Variants in TTC28 observed in about 807,000 individuals in gnomAD.
TTC28 encodes the protein tetratricopeptide repeat protein 28.
In TTC28, 61 loss-of-function variants were observed where a neutral mutation model predicts 198.0. The observed-to-expected ratio is 0.31, with a 90% CI of 0.25 to 0.38. The LOEUF is 0.38. Among genes scored for constraint, TTC28 ranks in the 10% least tolerant of loss-of-function variants. The pLI is 1.00. For synonymous variants in TTC28, 1,171 were observed against 1,297.8 expected, an observed-to-expected ratio of 0.90 and a Z score of 2.10; for missense variants, 2,678 against 3,164.0, an observed-to-expected ratio of 0.85 and a Z score of 3.69.
chr22:28,052,699 G>C (rs1219422779), intron 12 of TTC28, among the ~76,000 whole-genome samples: 4 of 152,130 alleles, frequency 2.6e-5, no homozygotes, highest in Non-Finnish European at 4.4e-5. Flanking sequence ...ATAATGTCTC[G>C]AGTGTTTTAT....
Position 28,014,268 on chromosome 22 carries a change from G to T in TTC28, c.4198C>A (p.Leu1400Ile). The T allele has an allele frequency of 6.4e-7, 1 of 1,551,398 alleles. No individual in the cohort carries two copies. The highest frequency in any genetic ancestry group is 8.7e-7 in the Non-Finnish European group (1 of 1,146,846). Residue 1400 changes from leucine to isoleucine, a missense_variant, in exon 14 of 23, where the codon CTC becomes ATC. Physicochemically the swap from Leu to Ile is conservative, Grantham distance 5. Around this residue, in one of 8 missense-constraint regions of TTC28, gnomAD observed 727 missense variants for 861.9 expected, o/e 0.84. Coordinates refer to ENST00000397906, the MANE Select transcript of TTC28 (RefSeq NM_001145418.2). ...KPPLRALYDL[L>I]IAPMEGGLMH... ...CTTACCCCTTCCATGGGCGCGATGAGCAGGTCATACAGGGCACGGAGCGGG... is the reference window on the plus strand; with the variant it reads ...CTTACCCCTTCCATGGGCGCGATGATCAGGTCATACAGGGCACGGAGCGGG...
At chr22:28,146,761 A>G (rs1297545802) in intron 6 of TTC28, among the ~76,000 whole-genome samples, 2 of 152,120 alleles carry the variant, frequency 1.3e-5, no homozygotes, top group Non-Finnish European at 2.9e-5. Flanking sequence ...GTTGTTTCAA[A>G]TAAGTGGCCA....
At chr22:28,493,449 A>G (rs2048406804) in intron 2 of TTC28, among the ~76,000 whole-genome samples, 2 of 152,230 alleles carry the variant, frequency 1.3e-5, no homozygotes, top group Non-Finnish European at 2.9e-5. Context: ...ACAGGAAAAT[A>G]AGGGAAAAAA....
chr22:28,477,746 A>G (rs1228876178), intron 2 of TTC28, among the ~76,000 whole-genome samples: 1 of 152,190 alleles, frequency 6.6e-6, no homozygotes, highest in African/African-American at 2.4e-5. Context: ...CAGCAAAGGT[A>G]AGGCAAGCAG....
intron 2 of TTC28, among the ~76,000 whole-genome samples, chr22:28,437,630 T>C (rs1251429303): frequency 6.6e-6 from 1 of 152,072 alleles, no homozygotes; most frequent in Non-Finnish European, 1.5e-5. Context: ...TATTGCTCTG[T>C]CACTCAGGCT....
At position 28,597,774 on chromosome 22, in the gene TTC28, A is replaced by G. The variant is rs532592141; in HGVS notation, c.381+31778T>C. ...ATTTGAGAATAGCCTAAAAAAGATT[A>G]CTAAAATCCTCTTACCTTTTGCGGG... On this transcript the variant is annotated intron_variant, in intron 2 of 22. Transcript: ENST00000397906. 3.3e-5 allele frequency among the ~76,000 whole-genome samples: 5 copies of G among 152,312 alleles called. No homozygotes were observed. In the East Asian group the frequency reaches 7.7e-4, roughly 24 times the overall value.
At chr22:28,244,060 A>T (rs938400308) in intron 5 of TTC28, among the ~76,000 whole-genome samples, 11 of 152,216 alleles carry the variant, frequency 7.2e-5, no homozygotes, top group African/African-American at 2.7e-4. Flanking sequence ...TATTAGATAT[A>T]TCTATTTCAG....
At chr22:27,997,208 T>C (rs1937568175) in intron 16 of TTC28, among the ~76,000 whole-genome samples, 1 of 152,238 alleles carries the variant, frequency 6.6e-6, no homozygotes, top group African/African-American at 2.4e-5. Context: ...CGTGCCTGCT[T>C]GTGCATGCTT....
Position 28,655,723 on chromosome 22 carries a change from C to T in TTC28, c.102+23899G>A, listed in dbSNP as rs1348668961. ...AAACTTAGCCAGGCGCCGTGGCGGG[C>T]GCCTGTAGTCCCCGCTACTCAGGAG... On this transcript the variant is annotated intron_variant, in intron 1 of 22. Coordinates refer to ENST00000397906, the MANE Select transcript of TTC28 (RefSeq NM_001145418.2). 3.9e-5 allele frequency among the ~76,000 whole-genome samples: 6 copies of T among 152,068 alleles called. No individual in the cohort carries two copies. In the East Asian group the frequency reaches 1.2e-3, roughly 29 times the overall value.
intron 2 of TTC28, among the ~76,000 whole-genome samples, chr22:28,458,119 C>G (rs893450353): frequency 6.6e-6 from 1 of 151,988 alleles, no homozygotes; most frequent in African/African-American, 2.4e-5. Context: ...TTTGGATTTA[C>G]TAGGTATAAA....
chr22:28,296,940 C>G (rs2044908385), intron 4 of TTC28, among the ~76,000 whole-genome samples: 1 of 152,332 alleles, frequency 6.6e-6, no homozygotes, highest in South Asian at 2.1e-4. Flanking sequence ...ACAGTATACA[C>G]TCTTAACCTC....
intron 2 of TTC28, among the ~76,000 whole-genome samples, chr22:28,440,794 G>C (rs949114686): frequency 7.2e-5 from 11 of 152,316 alleles, no homozygotes; most frequent in Non-Finnish European, 1.3e-4. Flanking sequence ...GCAAGAGTAA[G>C]AAAATAAACC....
intron 2 of TTC28, among the ~76,000 whole-genome samples, chr22:28,383,339 C>T (rs1465921638): frequency 3.3e-5 from 5 of 152,060 alleles, no homozygotes; most frequent in Non-Finnish European, 5.9e-5. Flanking sequence ...TTCCTTTGTC[C>T]GCAGCAGCAA....
intron 2 of TTC28, among the ~76,000 whole-genome samples, chr22:28,352,516 A>C (rs2046015443): frequency 6.6e-6 from 1 of 152,160 alleles, no homozygotes; most frequent in Non-Finnish European, 1.5e-5. Context: ...AGAAACAATG[A>C]GGAAATAAAA....
intron 2 of TTC28, among the ~76,000 whole-genome samples, chr22:28,552,543 G>T (rs1329525246): frequency 6.6e-6 from 1 of 152,124 alleles, no homozygotes; most frequent in African/African-American, 2.4e-5. Context: ...ATAGACCAAT[G>T]AAACAGAATG....
chr22:28,107,444 C>T lies in TTC28; in HGVS notation c.2401G>A (p.Ala801Thr). ...PGECRAHGHL[A>T]AVYMALGKYT... The stretch of plus-strand genomic sequence containing the variant: ...TTCCCAAGGGCCATGTAGACAGCAG[C>T]CAGGTGCCCATGAGCTCTGCACTCC... The change falls in exon 7 of 23, where the codon GCT becomes ACT. Residue 801 changes from alanine to threonine, a missense_variant. Coordinates refer to ENST00000397906, the MANE Select transcript of TTC28 (RefSeq NM_001145418.2). 6.4e-7 allele frequency: 1 copy of T among 1,551,728 alleles called. No homozygotes were observed. Among genetic ancestry groups the T allele is most frequent in the Non-Finnish European group, 8.7e-7 (1 of 1,147,014 alleles).
At chr22:28,269,280 G>A (rs1367041650) in intron 5 of TTC28, among the ~76,000 whole-genome samples, 2 of 152,122 alleles carry the variant, frequency 1.3e-5, no homozygotes, top group Non-Finnish European at 2.9e-5. Context: ...CAAATGCGAT[G>A]TCAAAGGGTA....
At chr22:28,188,341 C>G (rs893444850) in intron 5 of TTC28, among the ~76,000 whole-genome samples, 4 of 151,944 alleles carry the variant, frequency 2.6e-5, no homozygotes, top group Non-Finnish European at 5.9e-5. Flanking sequence ...ACAGAGAAAA[C>G]GGAAACCAAA....
chr22:28,543,515 AAGAG>A (rs777890051), intron 2 of TTC28, among the ~76,000 whole-genome samples: 2 of 151,842 alleles, frequency 1.3e-5, no homozygotes, highest in Non-Finnish European at 2.9e-5. Flanking sequence ...GAAGAATAAA[AAGAG>A]AGAAAGAAAA....
Sources: allele counts gnomAD v4.1 joint callset (sites outside exome capture counted in the v4.1 genomes callset), GRCh38; gene constraint gnomAD v4.1.1; regional missense constraint gnomAD v4.1.1; transcripts MANE v1.5; gene names NCBI Gene and HGNC (gene_info 2026-07-23, HGNC 2026-07-21).